Variants in FGF19 observed in about 807,000 individuals in gnomAD.
FGF19 encodes the protein FGF-19.
In FGF19, 5 loss-of-function variants were observed where a neutral mutation model predicts 8.9. The ratio of observed to expected loss-of-function variants is 0.56; its 90% CI spans 0.29 to 1.18. The LOEUF (loss-of-function observed/expected upper bound fraction) is 1.18. Ranked by LOEUF, FGF19 falls within the 50% of genes most tolerant of loss-of-function variation. The probability of loss-of-function intolerance (pLI) is 0.08; values close to 1 mark genes in which losing one functional copy is unlikely to be tolerated. For missense variants in FGF19, 237 were observed against 293.9 expected (o/e 0.81, Z 1.42); for synonymous variants, 124 against 128.0 (o/e 0.97, Z 0.21).
chr11:69,699,435 G>C lies in FGF19; in HGVS notation c.478C>G (p.Leu160Val), dbSNP rs1854743780. 1 of 1,614,236 alleles carries C rather than the reference G, an allele frequency of 6.2e-7. No individual in the cohort carries two copies. The highest frequency in any genetic ancestry group is 1.3e-5 in the African/African-American group (1 of 75,066). ...ATGGGCAGGAAATGAGAGAGTGGAA[G>C]AAAGCCTCTGTTCTTGTACAGCTGC... ...QRQLYKNRGF[L>V]PLSHFLPMLP... The change falls in exon 3 of 3, where the codon CTT (leucine) becomes GTT (valine). Residue 160 changes from leucine to valine, a missense_variant. Physicochemically the swap from Leu to Val is conservative, Grantham distance 32 (BLOSUM62 1). Transcript: ENST00000294312.
rs1854800491 is a variant in FGF19 at position 69,703,458 on chromosome 11, G to T, written c.233-94C>A. 8.7e-6 allele frequency: 9 copies of T among 1,036,496 alleles called. No individual in the cohort carries two copies. The highest frequency in any genetic ancestry group is 1.3e-5 in the Non-Finnish European group (9 of 711,790). 64.2% of individuals were successfully genotyped at this position (1,036,496 alleles called of 1,614,324 possible). On this transcript the variant is annotated intron_variant, in intron 1 of 2. Coordinates refer to ENST00000294312, the MANE Select transcript of FGF19 (RefSeq NM_005117.3). This position sits in a 1 kb window ranked among gnomAD's most constrained non-coding sequence, Gnocchi z 6.8. Reference sequence around the variant, plus strand: ...CCACAAGCCTGTGCTTCTCCCTAGCGTCCCGCGCTGTTTGGGGACTAACGG... The same window carrying T: ...CCACAAGCCTGTGCTTCTCCCTAGCTTCCCGCGCTGTTTGGGGACTAACGG...
In FGF19 at chr11:69,702,645, G is replaced by A. The variant is rs1200831377; in HGVS notation, c.336+616C>T. On this transcript the variant is annotated intron_variant, in intron 2 of 2. Transcript: ENST00000294312. The surrounding 1 kb of genome is among the most constrained non-coding windows in gnomAD (Gnocchi z 4.6). Reference sequence around the variant, plus strand: ...CCCACCAGAAAGCGTTTACAGGACAGGTGAGGCCCGCAGGAGGAAAAGCAC... The same window carrying A: ...CCCACCAGAAAGCGTTTACAGGACAAGTGAGGCCCGCAGGAGGAAAAGCAC... Among the ~76,000 whole-genome samples the A allele has an allele frequency of 1.3e-5, 2 of 151,038 alleles. No homozygotes were observed. Among genetic ancestry groups the A allele is most frequent in the Non-Finnish European group, 3.0e-5 (2 of 67,776 alleles).
chr11:69,703,922 G>A lies in FGF19; in HGVS notation c.-46C>T. 8.5e-7 allele frequency: 1 copy of A among 1,170,940 alleles called. No individual in the cohort carries two copies. 72.5% of individuals were successfully genotyped at this position (1,170,940 alleles called of 1,614,324 possible). On this transcript the variant is annotated 5_prime_UTR_variant, in exon 1 of 3. Transcript: ENST00000294312. This position sits in a 1 kb window ranked among gnomAD's most constrained non-coding sequence, Gnocchi z 6.8. ...GGCGCAGCTCCGGCGATGGGGGTGC[G>A]GGAGGCTGGGCGGCGACCGGGATGC...
chr11:69,703,913 TG>T lies in FGF19; in HGVS notation c.-38del. On this transcript the variant is annotated 5_prime_UTR_variant, in exon 1 of 3. Transcript: ENST00000294312. The surrounding 1 kb of genome is among the most constrained non-coding windows in gnomAD (Gnocchi z 6.8). ...GGGGCTCTCGGCGCAGCTCCGGCGA[TG>T]GGGGTGCGGGAGGCTGGGCGGCGAC... 2.5e-6 allele frequency: 3 copies of T among 1,203,926 alleles called. No homozygotes were observed. The highest frequency in any genetic ancestry group is 4.2e-5 in the Admixed American group (1 of 23,842). The allele number at this position is 1,203,926 out of a possible 1,614,324, so 74.6% of individuals were successfully genotyped here.
Position 69,703,938 on chromosome 11 carries a change from A to G in FGF19, c.-62T>C, listed in dbSNP as rs987180972. The G allele has an allele frequency of 1.3e-5, 13 of 1,027,624 alleles. No homozygotes were observed. The highest frequency in any genetic ancestry group is 1.6e-5 in the Non-Finnish European group (13 of 797,584). 63.7% of individuals were successfully genotyped at this position (1,027,624 alleles called of 1,614,324 possible). A position where few individuals can be genotyped will look rare whatever the true frequency, so the allele number is the denominator to read the frequency against. ...TGGGGGTGCGGGAGGCTGGGCGGCG[A>G]CCGGGATGCGCTGCGGGGCTGTGAG... On this transcript the variant is annotated 5_prime_UTR_variant, in exon 1 of 3. Coordinates refer to ENST00000294312, the MANE Select transcript of FGF19 (RefSeq NM_005117.3). The surrounding 1 kb of genome is among the most constrained non-coding windows in gnomAD (Gnocchi z 6.8).
Position 69,699,526 on chromosome 11 carries a change from A to T in FGF19, c.387T>A (p.Asp129Glu). ...TCTCGGATCGGTACACATTGTAGCC[A>T]TCTGGGCGGATCTCCTCCTCGAAAG... ...DCAFEEEIRPDGYNVYRSEKH... is the reference protein window; with the variant it reads ...DCAFEEEIRPEGYNVYRSEKH... The change falls in exon 3 of 3, where the codon GAT becomes GAA. Residue 129 changes from aspartate to glutamate, a missense_variant. Transcript: ENST00000294312. The T allele has an allele frequency of 6.2e-7, 1 of 1,613,964 alleles. No individual in the cohort carries two copies. Among genetic ancestry groups the T allele is most frequent in the Non-Finnish European group, 8.5e-7 (1 of 1,179,952 alleles).
rs942913626 is a variant in FGF19, at chr11:69,703,715, C to G, written c.162G>C (p.Gly54=). 1 of 1,233,438 alleles carries G rather than the reference C, an allele frequency of 8.1e-7. No individual in the cohort carries two copies. The highest frequency in any genetic ancestry group is 1.0e-6 in the Non-Finnish European group (1 of 988,712). 76.4% of individuals were successfully genotyped at this position (1,233,438 alleles called of 1,614,324 possible). Residue 54 remains glycine, a synonymous_variant, in exon 1 of 3, where the codon GGG becomes GGC. Coordinates refer to ENST00000294312, the MANE Select transcript of FGF19 (RefSeq NM_005117.3). This position sits in a 1 kb window ranked among gnomAD's most constrained non-coding sequence, Gnocchi z 6.8. ...GGATGCGCAGGAAGCAGCTGGAGAG[C>G]CCGTGGGGGCCGGAGGTGTACAGGT... is the stretch of plus-strand genomic sequence containing the variant. ...LRHLYTSGPH[G]LSSCFLRIRA...
At position 69,699,051 on chromosome 11, in the gene FGF19, A is replaced by T; in HGVS notation, c.*211T>A. The T allele has an allele frequency of 5.4e-6, 3 of 551,544 alleles. No homozygotes were observed. In the South Asian group the frequency reaches 7.3e-5, roughly 13 times the overall value. 34.2% of individuals were successfully genotyped at this position (551,544 alleles called of 1,614,324 possible). A position where few individuals can be genotyped will look rare whatever the true frequency, so the allele number is the denominator to read the frequency against. ...TGGGGGCCCAGGCAGCAGCTGGGCA[A>T]GCTACAGGCTTACAATGTTATGATC... On this transcript the variant is annotated 3_prime_UTR_variant, in exon 3 of 3. Transcript: ENST00000294312.
Position 69,703,633 on chromosome 11 carries a change from G to A in FGF19, c.232+12C>T. The A allele has an allele frequency of 1.7e-6, 2 of 1,209,440 alleles. No individual in the cohort carries two copies. Among genetic ancestry groups the A allele is most frequent in the Non-Finnish European group, 2.1e-6 (2 of 967,564 alleles). 74.9% of individuals were successfully genotyped at this position (1,209,440 alleles called of 1,614,324 possible). A position where few individuals can be genotyped will look rare whatever the true frequency, so the allele number is the denominator to read the frequency against. On this transcript the variant is annotated intron_variant, in intron 1 of 2. Transcript: ENST00000294312. The surrounding 1 kb of genome is among the most constrained non-coding windows in gnomAD (Gnocchi z 6.8). ...CGCGGCGGGGCGGGCGGGGGTGCTG[G>A]CGGGCACTCACTGTGCGCGCTCTGG... is the stretch of plus-strand genomic sequence containing the variant.
Position 69,703,498 on chromosome 11 carries a change from C to T in FGF19, c.233-134G>A. The T allele has an allele frequency of 2.5e-6, 2 of 805,002 alleles. No individual in the cohort carries two copies. The highest frequency in any genetic ancestry group is 1.8e-6 in the Non-Finnish European group (1 of 542,508). 49.9% of individuals were successfully genotyped at this position (805,002 alleles called of 1,614,324 possible). On this transcript the variant is annotated intron_variant, in intron 1 of 2. Coordinates refer to ENST00000294312, the MANE Select transcript of FGF19 (RefSeq NM_005117.3). The surrounding 1 kb of genome is among the most constrained non-coding windows in gnomAD (Gnocchi z 6.8). ...GGGACTAACGGAGGGATCCTAACGT[C>T]CAGGTGCCAAAACCTGGGGTTCCCA...
chr11:69,703,850 G>C lies in FGF19; in HGVS notation c.27C>G (p.His9Gln). 8.0e-7 allele frequency: 1 copy of C among 1,243,728 alleles called. No homozygotes were observed. The highest frequency in any genetic ancestry group is 1.0e-6 in the Non-Finnish European group (1 of 994,258). 77.0% of individuals were successfully genotyped at this position (1,243,728 alleles called of 1,614,324 possible). Residue 9 changes from histidine (H) to glutamine (Q), a missense_variant, in exon 1 of 3, where the codon CAC (histidine) becomes CAG (glutamine). Transcript: ENST00000294312. This position sits in a 1 kb window ranked among gnomAD's most constrained non-coding sequence, Gnocchi z 6.8. MRSGCVVV[H>Q]VWILAGLWLA... ...GCCAGAGGCCGGCCAGGATCCATAC[G>C]TGGACCACCACACACCCGCTCCGCA...
chr11:69,703,978 G>T lies in FGF19; in HGVS notation c.-102C>A. ...GGGGCTGTGAGTGCCGGGTTGGGAT[G>T]GTCGTGGCCCTAGATCCTGGACGCA... is the stretch of plus-strand genomic sequence containing the variant. On this transcript the variant is annotated 5_prime_UTR_variant, in exon 1 of 3. Coordinates refer to ENST00000294312, the MANE Select transcript of FGF19 (RefSeq NM_005117.3). The surrounding 1 kb of genome is among the most constrained non-coding windows in gnomAD (Gnocchi z 6.8). 1 of 689,304 alleles carries T rather than the reference G, an allele frequency of 1.5e-6. No homozygotes were observed. The highest frequency in any genetic ancestry group is 2.0e-6 in the Non-Finnish European group (1 of 489,732). The allele number at this position is 689,304 out of a possible 1,614,324, so 42.7% of individuals were successfully genotyped here. A position where few individuals can be genotyped will look rare whatever the true frequency, so the allele number is the denominator to read the frequency against.
Position 69,699,085 on chromosome 11 carries a change from C to T in FGF19, c.*177G>A, listed in dbSNP as rs1590931319. 15 of 597,476 alleles carry T rather than the reference C, an allele frequency of 2.5e-5. No homozygotes were observed. Among genetic ancestry groups the T allele is most frequent in the Non-Finnish European group, 4.1e-5 (14 of 337,998 alleles). The allele number at this position is 597,476 out of a possible 1,614,324, so 37.0% of individuals were successfully genotyped here. On this transcript the variant is annotated 3_prime_UTR_variant, in exon 3 of 3. Transcript: ENST00000294312. ...CTTACAATGTTATGATCAGACAAGT[C>T]TATTGGCTAGAAACTGGCACTGCCA... is the stretch of plus-strand genomic sequence containing the variant.
chr11:69,700,167 G>A (rs570697225), intron 2 of FGF19, among the ~76,000 whole-genome samples: 12 of 151,908 alleles, frequency 7.9e-5, no homozygotes, highest in African/African-American at 1.2e-4. Context: ...TACTGTAAGT[G>A]TAAGCATATA....
rs140964535 is a variant in FGF19 at position 69,699,427 on chromosome 11, G to T, written c.486C>A (p.Leu162=). The part of the protein sequence containing the change: ...QLYKNRGFLP[L]SHFLPMLPMV... ...TGGGCAGCATGGGCAGGAAATGAGA[G>T]AGTGGAAGAAAGCCTCTGTTCTTGT... Residue 162 remains leucine (L), a synonymous_variant, in exon 3 of 3, where the codon CTC becomes CTA. Transcript: ENST00000294312. 309 of 1,614,218 alleles carry T rather than the reference G, an allele frequency of 1.9e-4. 2 individuals are homozygous for T. In the African/African-American group the frequency reaches 3.6e-3, roughly 19 times the overall value.
In FGF19 at chr11:69,699,036, G is replaced by A; in HGVS notation, c.*226C>T. 1.9e-6 allele frequency: 1 copy of A among 531,466 alleles called. No homozygotes were observed. Among genetic ancestry groups the A allele is most frequent in the South Asian group, 2.6e-5 (1 of 38,410 alleles). 32.9% of individuals were successfully genotyped at this position (531,466 alleles called of 1,614,324 possible). ...CTCGAGGGAGCAGAATGGGGGCCCA[G>A]GCAGCAGCTGGGCAAGCTACAGGCT... On this transcript the variant is annotated 3_prime_UTR_variant, in exon 3 of 3. Coordinates refer to ENST00000294312, the MANE Select transcript of FGF19 (RefSeq NM_005117.3).
Position 69,703,583 on chromosome 11 carries a change from G to T in FGF19, c.232+62C>A. 1 of 905,078 alleles carries T rather than the reference G, an allele frequency of 1.1e-6. No individual in the cohort carries two copies. Among genetic ancestry groups the T allele is most frequent in the Non-Finnish European group, 1.4e-6 (1 of 691,012 alleles). The allele number at this position is 905,078 out of a possible 1,614,324, so 56.1% of individuals were successfully genotyped here. On this transcript the variant is annotated intron_variant, in intron 1 of 2. Transcript: ENST00000294312. The surrounding 1 kb of genome is among the most constrained non-coding windows in gnomAD (Gnocchi z 6.8). ...AAAGGAAGGAAGGGCGCTGGGGTGGGGCGCGCGCAGCGGGGTGGGGTGCGC... is the reference window on the plus strand; with the variant it reads ...AAAGGAAGGAAGGGCGCTGGGGTGGTGCGCGCGCAGCGGGGTGGGGTGCGC...
chr11:69,698,962 T>C lies in FGF19; in HGVS notation c.*300A>G, dbSNP rs1854736745. The C allele has an allele frequency of 9.5e-6, 3 of 317,456 alleles. No homozygotes were observed. The highest frequency in any genetic ancestry group is 8.9e-5 in the Admixed American group (2 of 22,438). 19.7% of individuals were successfully genotyped at this position (317,456 alleles called of 1,614,324 possible). ...CCAAAGGAAGTGAGTTCCCCATCGA[T>C]GGAGGTATTCAAGCAGAACTGAGAC... On this transcript the variant is annotated 3_prime_UTR_variant, in exon 3 of 3. Transcript: ENST00000294312.
chr11:69,700,412 A>G (rs1245755451), intron 2 of FGF19, among the ~76,000 whole-genome samples: 1 of 152,158 alleles, frequency 6.6e-6, no homozygotes, highest in African/African-American at 2.4e-5. Flanking sequence ...CTAAGCAATA[A>G]TATCCATCAA....
Sources: gnomAD v4.1 joint callset for allele counts (sites outside exome capture counted in the v4.1 genomes callset) on GRCh38, gnomAD v4.1.1 for gene constraint, Gnocchi (gnomAD v3.1) non-coding constraint, MANE v1.5 for transcripts, NCBI Gene and HGNC (gene_info 2026-07-23, HGNC 2026-07-21) for gene names.